MIR2052HG: variants seen among roughly 807,000 people sequenced by gnomAD.
The protein encoded by MIR2052HG is MIR2052 host gene.
At chr8:74,631,714 T>G (rs1470064900) in intron 2 of MIR2052HG, among the ~76,000 whole-genome samples, 1 of 152,108 alleles carries the variant, frequency 6.6e-6, no homozygotes, top group Non-Finnish European at 1.5e-5. Flanking sequence ...ATGACAGAAA[T>G]TTATTTCCTG....
At chr8:74,685,606 C>G (rs528415003) in intron 2 of MIR2052HG, among the ~76,000 whole-genome samples, 23 of 152,084 alleles carry the variant, frequency 1.5e-4, no homozygotes, top group African/African-American at 4.3e-4. Context: ...GTATAATTTC[C>G]GTCCAGTGTG....
At chr8:74,613,769 A>C (rs893926203) in intron 2 of MIR2052HG, among the ~76,000 whole-genome samples, 9 of 152,172 alleles carry the variant, frequency 5.9e-5, no homozygotes, top group African/African-American at 2.2e-4. Context: ...TTACCGGCAT[A>C]AGCTGCCATG....
chr8:74,617,261 G>C (rs1808295762), intron 2 of MIR2052HG, among the ~76,000 whole-genome samples: 1 of 151,938 alleles, frequency 6.6e-6, no homozygotes, highest in African/African-American at 2.4e-5. Context: ...AACTTTTGGA[G>C]TCTCCAGTAT....
chr8:74,670,831 GT>G lies in MIR2052HG; in HGVS notation n.217-31544del, dbSNP rs869270860. 3.9e-5 allele frequency among the ~76,000 whole-genome samples: 6 copies of G among 152,142 alleles called. No homozygotes were observed. The East Asian group carries it at 9.7e-4, about 25-fold the overall frequency. ...CGTGGCTTTAGTGCAAGAGGAAGGG[GT>G]TTTAATATAATTTTTAAATAAACGA... On this transcript the variant is annotated intron_variant and non_coding_transcript_variant, in intron 2 of 6. Coordinates refer to ENST00000523442, the Ensembl canonical transcript of MIR2052HG.
At chr8:74,697,711 A>G (rs553682535) in intron 2 of MIR2052HG, among the ~76,000 whole-genome samples, 8 of 152,206 alleles carry the variant, frequency 5.3e-5, no homozygotes, top group Admixed American at 3.9e-4. Context: ...AATCAAGAAC[A>G]CAACCTCTTT....
chr8:74,718,791 A>G (rs2128742310), intron 4 of MIR2052HG, among the ~76,000 whole-genome samples: 1 of 152,252 alleles, frequency 6.6e-6, no homozygotes, highest in South Asian at 2.1e-4. Flanking sequence ...GAAGTGATGG[A>G]GCTCTCTGGG....
chr8:74,612,001 G>C (rs556954207), intron 1 of MIR2052HG, among the ~76,000 whole-genome samples: 1 of 152,312 alleles, frequency 6.6e-6, no homozygotes, highest in African/African-American at 2.4e-5. Context: ...CTCATCCCCC[G>C]AAGCTCAGGA....
chr8:74,752,535 T>C (rs1384784523), intron 5 of MIR2052HG: 1 of 454,820 alleles, frequency 2.2e-6, no homozygotes, highest in Non-Finnish European at 4.4e-6. Context: ...CATCTGAAAG[T>C]AAGTAGGAAA....
chr8:74,603,935 C>T (rs1283794079), intron 1 of MIR2052HG: 6 of 1,072,088 alleles, frequency 5.6e-6, no homozygotes, highest in Non-Finnish European at 8.8e-6. Flanking sequence ...CTAGCAGGGA[C>T]CACCAGCCTC....
At chr8:74,626,431 G>A (rs936135556) in intron 2 of MIR2052HG, among the ~76,000 whole-genome samples, 52 of 152,094 alleles carry the variant, frequency 3.4e-4, no homozygotes, top group African/African-American at 1.2e-3. Flanking sequence ...CTTATAACTA[G>A]TAGTACCTTC....
At chr8:74,681,937 G>A (rs1452998089) in intron 2 of MIR2052HG, among the ~76,000 whole-genome samples, 1 of 152,102 alleles carries the variant, frequency 6.6e-6, no homozygotes, top group Non-Finnish European at 1.5e-5. Flanking sequence ...CAGATCACTG[G>A]GGAAATGTAT....
chr8:74,715,207 G>C (rs1185947308), intron 4 of MIR2052HG, among the ~76,000 whole-genome samples: 7 of 152,122 alleles, frequency 4.6e-5, no homozygotes, highest in African/African-American at 7.2e-5. Flanking sequence ...GACTAAAACT[G>C]ATAACTAAAA....
At chr8:74,705,386 G>A (rs576303817) in intron 4 of MIR2052HG, among the ~76,000 whole-genome samples, 1 of 151,894 alleles carries the variant, frequency 6.6e-6, no homozygotes, top group Admixed American at 6.6e-5. Context: ...TCTCTAAAAA[G>A]TAAATAACCT....
chr8:74,736,791 G>T (rs1370711971), intron 4 of MIR2052HG, among the ~76,000 whole-genome samples: 1 of 152,170 alleles, frequency 6.6e-6, no homozygotes, highest in Non-Finnish European at 1.5e-5. Flanking sequence ...CCATCCAGGG[G>T]TTCCTCATTT....
At chr8:74,618,869 T>C (rs371751158) in intron 2 of MIR2052HG, among the ~76,000 whole-genome samples, 1 of 152,216 alleles carries the variant, frequency 6.6e-6, no homozygotes, top group Non-Finnish European at 1.5e-5. Flanking sequence ...TGTTTGTAGA[T>C]GACATGCTCT....
chr8:74,604,302 G>C lies in MIR2052HG; in HGVS notation n.128+4394G>C, dbSNP rs1023441212. On this transcript the variant is annotated intron_variant and non_coding_transcript_variant, in intron 1 of 6. Transcript: ENST00000523442. ...GTGGTCAAGTCTTTGGTCACTGATG[G>C]GGGGTGAAAGCCAAAAACTGCTGGC... 4.2e-6 allele frequency: 3 copies of C among 710,532 alleles called. No homozygotes were observed. The African/African-American group carries it at 5.3e-5, about 13-fold the overall frequency. 44.0% of individuals were successfully genotyped at this position (710,532 alleles called of 1,614,324 possible).
At chr8:74,605,808 C>A (rs1436514354) in intron 1 of MIR2052HG, among the ~76,000 whole-genome samples, 1 of 146,816 alleles carries the variant, frequency 6.8e-6, no homozygotes, top group Non-Finnish European at 1.5e-5. Context: ...ATATAAACGA[C>A]CTTCTAATTG....
At chr8:74,608,385 G>A (rs1808143588) in intron 1 of MIR2052HG, among the ~76,000 whole-genome samples, 1 of 151,902 alleles carries the variant, frequency 6.6e-6, no homozygotes. Flanking sequence ...TTAACAACTG[G>A]GTTACTCAGT....
At chr8:74,604,728 G>C (rs1414450372) in intron 1 of MIR2052HG, among the ~76,000 whole-genome samples, 1 of 151,552 alleles carries the variant, frequency 6.6e-6, no homozygotes, top group Non-Finnish European at 1.5e-5. Flanking sequence ...CTAGTAGCTG[G>C]GATTACAGGC....
Sources: gnomAD v4.1 joint callset for allele counts (sites outside exome capture counted in the v4.1 genomes callset) on GRCh38, gnomAD v4.1.1 for gene constraint, MANE v1.5 for transcripts, NCBI Gene and HGNC (gene_info 2026-07-23, HGNC 2026-07-21) for gene names.